Variants in MRTFB observed in about 807,000 individuals in gnomAD.
The protein encoded by MRTFB is myocardin-related transcription factor B.
In MRTFB, 29 loss-of-function variants were observed where a neutral mutation model predicts 104.2. The observed-to-expected ratio is 0.28, with a 90% CI of 0.21 to 0.38. The LOEUF (loss-of-function observed/expected upper bound fraction) is 0.38, where lower values mean the gene tolerates loss of function less well. Among genes scored for constraint, MRTFB ranks in the 10% least tolerant of loss-of-function variants. The pLI, the probability that MRTFB is intolerant of heterozygous loss-of-function variation, is 1.00. For missense variants in MRTFB, 1,270 were observed against 1,341.6 expected (o/e 0.95, Z 0.83); for synonymous variants, 535 against 519.5 (o/e 1.03, Z -0.41).
intron 8 of MRTFB, among the ~76,000 whole-genome samples, chr16:14,228,997 T>G (rs923031165): frequency 1.1e-4 from 17 of 152,210 alleles, no homozygotes; most frequent in Non-Finnish European, 2.1e-4. Flanking sequence ...GTTCCGGTAG[T>G]GATGGTTGCA....
intron 3 of MRTFB, chr16:14,144,064 A>G (rs368711912): frequency 3.9e-5 from 6 of 152,184 alleles, no homozygotes; most frequent in African/African-American, 9.6e-5. Flanking sequence ...GGAATAATGT[A>G]TTGGTTTTTT....
chr16:14,227,436 G>C (rs1402801498), intron 8 of MRTFB, among the ~76,000 whole-genome samples: 1 of 152,162 alleles, frequency 6.6e-6, no homozygotes. Context: ...GCACATGCTG[G>C]TGCCACGCAT....
chr16:14,028,752 A>T, the MRTFB span, among the ~76,000 whole-genome samples: 2 of 152,192 alleles, frequency 1.3e-5, no homozygotes, highest in East Asian at 3.8e-4. Flanking sequence ...GTTTCCACCC[A>T]TAAATTGGGA....
At position 14,251,677 on chromosome 16, in the gene MRTFB, T is replaced by C. The variant is rs527913892; in HGVS notation, c.2404-185T>C. Among the ~76,000 whole-genome samples, 3 of 152,356 alleles carry C rather than the reference T, an allele frequency of 2.0e-5. No homozygotes were observed. The South Asian group carries it at 6.2e-4, about 32-fold the overall frequency. On this transcript the variant is annotated intron_variant, in intron 13 of 16. Transcript: ENST00000571589. ...TATCCATGTACTGTCTGTGGCTGCT[T>C]TCAGGCTGCAATGGCAGAGCCAAGT... is the stretch of plus-strand genomic sequence containing the variant.
At chr16:14,022,941 C>T in the MRTFB span, among the ~76,000 whole-genome samples, 5 of 152,186 alleles carry the variant, frequency 3.3e-5, no homozygotes, top group East Asian at 7.7e-4. Flanking sequence ...AAGTGACCAC[C>T]GGCCTCGGCC....
intron 3 of MRTFB, among the ~76,000 whole-genome samples, chr16:14,209,111 G>C (rs1029314061): frequency 6.6e-6 from 1 of 152,126 alleles, no homozygotes; most frequent in African/African-American, 2.4e-5. Flanking sequence ...TGCAGTCAGC[G>C]CAAGACCAAC....
the MRTFB span, among the ~76,000 whole-genome samples, chr16:14,043,498 T>C: frequency 3.3e-5 from 5 of 152,242 alleles, no homozygotes; most frequent in East Asian, 1.9e-4. Flanking sequence ...TCTTTCTTCA[T>C]TGTTGCATCT....
At chr16:14,122,583 C>G (rs1292972041) in intron 2 of MRTFB, among the ~76,000 whole-genome samples, 1 of 152,160 alleles carries the variant, frequency 6.6e-6, no homozygotes, top group African/African-American at 2.4e-5. Flanking sequence ...TGGTGTCCAG[C>G]TTCATCCATG....
the MRTFB span, among the ~76,000 whole-genome samples, chr16:14,031,534 T>A: frequency 6.6e-6 from 1 of 152,180 alleles, no homozygotes; most frequent in East Asian, 1.9e-4. Flanking sequence ...GTATTGTCCT[T>A]TTAGCACATA....
At chr16:14,061,299 C>T in the MRTFB span, among the ~76,000 whole-genome samples, 6 of 152,330 alleles carry the variant, frequency 3.9e-5, no homozygotes, top group African/African-American at 1.2e-4. Context: ...AGAAGAGATA[C>T]TTACTCTCTC....
chr16:14,202,318 G>A (rs1019546975), intron 3 of MRTFB, among the ~76,000 whole-genome samples: 6 of 152,260 alleles, frequency 3.9e-5, no homozygotes, highest in Admixed American at 2.0e-4. Context: ...GTCTGAAGTA[G>A]AATGGATTAA....
intron 2 of MRTFB, among the ~76,000 whole-genome samples, chr16:14,115,257 TATC>T (rs1226063818): frequency 6.6e-6 from 1 of 152,224 alleles, no homozygotes; most frequent in Non-Finnish European, 1.5e-5. Context: ...GAGGAGGAAT[TATC>T]AACTAAATAA....
intron 3 of MRTFB, 24 bp downstream of exon 3, chr16:14,140,784 A>C (rs1368298598): frequency 6.2e-7 from 1 of 1,613,446 alleles, no homozygotes; most frequent in East Asian, 2.2e-5. Context: ...GTGCAATGGG[A>C]TCTTTGATTT....
intron 8 of MRTFB, 45 bp downstream of exon 8, chr16:14,219,043 G>T (rs2041563712): frequency 1.3e-6 from 2 of 1,495,094 alleles, no homozygotes; most frequent in East Asian, 2.4e-5. Flanking sequence ...AAAATGCCTT[G>T]TTTTTTTTTA....
chr16:14,249,932 G>A (rs1354734997), intron 13 of MRTFB, among the ~76,000 whole-genome samples: 1 of 152,344 alleles, frequency 6.6e-6, no homozygotes, highest in African/African-American at 2.4e-5. Context: ...CATGTAACAC[G>A]TGTGCTGCTT....
At chr16:14,098,098 C>CAAG (rs2035494667) in intron 2 of MRTFB, among the ~76,000 whole-genome samples, 2 of 152,130 alleles carry the variant, frequency 1.3e-5, no homozygotes, top group South Asian at 4.1e-4. Context: ...ACTCTGTTAT[C>CAAG]TCTTGAGTAA....
intron 3 of MRTFB, among the ~76,000 whole-genome samples, chr16:14,195,242 A>G (rs888022904): frequency 7.9e-5 from 12 of 152,208 alleles, no homozygotes. Context: ...ATGACATTCT[A>G]ATACCAGAAC....
chr16:14,018,397 G>A, the MRTFB span, among the ~76,000 whole-genome samples: 2 of 152,112 alleles, frequency 1.3e-5, no homozygotes, highest in African/African-American at 4.8e-5. Flanking sequence ...AAATACACAC[G>A]TGTTCATCAC....
the MRTFB span, among the ~76,000 whole-genome samples, chr16:14,058,286 G>A: frequency 6.6e-6 from 1 of 152,190 alleles, no homozygotes; most frequent in Non-Finnish European, 1.5e-5. Flanking sequence ...ACTTAGGGTT[G>A]GCGGGAAGGG....
Sources: gnomAD v4.1 joint callset for allele counts (sites outside exome capture counted in the v4.1 genomes callset) on GRCh38, gnomAD v4.1.1 for gene constraint, MANE v1.5 for transcripts, NCBI Gene and HGNC (gene_info 2026-07-23, HGNC 2026-07-21) for gene names.